EEFSEC: variants seen among roughly 807,000 people sequenced by gnomAD.
EEFSEC encodes the protein eukaryotic elongation factor, selenocysteine-tRNA specific.
A neutral mutation model predicts 42.1 loss-of-function variants in EEFSEC; 43 were observed. The ratio of observed to expected loss-of-function variants is 1.02; its 90% CI spans 0.80 to 1.32. The LOEUF is 1.32. EEFSEC is among the 40% of genes most tolerant of loss of function. EEFSEC has a pLI of 0.00. For synonymous variants in EEFSEC, 354 were observed against 339.1 expected, an observed-to-expected ratio of 1.04 and a Z score of -0.48; for missense variants, 745 against 803.6, an observed-to-expected ratio of 0.93 and a Z score of 0.88.
At chr3:128,320,167 T>G (rs1311458404) in intron 4 of EEFSEC, among the ~76,000 whole-genome samples, 1 of 152,242 alleles carries the variant, frequency 6.6e-6, no homozygotes, top group Non-Finnish European at 1.5e-5. Context: ...CTAAACTGCT[T>G]ACTGTCACCT....
At chr3:128,342,563 C>T (rs2067267760) in intron 5 of EEFSEC, among the ~76,000 whole-genome samples, 1 of 152,256 alleles carries the variant, frequency 6.6e-6, no homozygotes. Context: ...AGTTCACCAT[C>T]GCTAGATGCA....
At chr3:128,387,438 G>A (rs182944427) in intron 6 of EEFSEC, among the ~76,000 whole-genome samples, 9 of 152,316 alleles carry the variant, frequency 5.9e-5, no homozygotes, top group East Asian at 3.9e-4. Context: ...GTCCAGGCTC[G>A]CAAAAGTCGT....
At chr3:128,235,061 ATTTAT>A (rs1406397204) in intron 1 of EEFSEC, among the ~76,000 whole-genome samples, 1 of 151,722 alleles carries the variant, frequency 6.6e-6, no homozygotes, top group Non-Finnish European at 1.5e-5. Flanking sequence ...TTACTTACTT[ATTTAT>A]TTTATTTTAT....
At chr3:128,396,699 C>T (rs115525798) in intron 6 of EEFSEC, among the ~76,000 whole-genome samples, 2,234 of 152,284 alleles carry the variant, frequency 0.015, 51 homozygotes, top group African/African-American at 0.051. Flanking sequence ...TTCCTGAGTG[C>T]TCTGTGCCTC....
In EEFSEC at chr3:128,403,304, C is replaced by T. The variant is rs767114842; in HGVS notation, c.1601-4765C>T. ...ACAGGCCAGGTGTGCAGAAGGGCAG[C>T]GAGGAGGCTGACACAGGGGCGGGGC... On this transcript the variant is annotated intron_variant, in intron 6 of 6. Transcript: ENST00000254730. Among the ~76,000 whole-genome samples, 8 of 152,202 alleles carry T rather than the reference C, an allele frequency of 5.3e-5. No homozygotes were observed. In the East Asian group the frequency reaches 5.8e-4, roughly 11 times the overall value.
intron 1 of EEFSEC, among the ~76,000 whole-genome samples, chr3:128,209,830 T>G (rs1260964452): frequency 1.3e-5 from 2 of 152,348 alleles, no homozygotes; most frequent in East Asian, 3.9e-4. Context: ...ATAAGTAGAT[T>G]ATGTCCCCAG....
At chr3:128,245,210 C>T (rs2066114880) in intron 1 of EEFSEC, among the ~76,000 whole-genome samples, 2 of 152,188 alleles carry the variant, frequency 1.3e-5, no homozygotes, top group Non-Finnish European at 1.5e-5. Flanking sequence ...AGGGACTAGC[C>T]AACATGAGCC....
chr3:128,304,094 G>A (rs1283335926), intron 4 of EEFSEC, among the ~76,000 whole-genome samples: 4 of 132,954 alleles, frequency 3.0e-5, no homozygotes, highest in African/African-American at 1.2e-4. Context: ...TTTTTTTTCT[G>A]GAAAGGCTAG....
chr3:128,202,990 A>T lies in EEFSEC; in HGVS notation c.317-43846A>T, dbSNP rs116743305. 7.4e-3 allele frequency among the ~76,000 whole-genome samples: 1,121 copies of T among 152,348 alleles called. 9 individuals are homozygous for T. Among genetic ancestry groups the T allele is most frequent in the Non-Finnish European group, 0.012 (828 of 68,038 alleles). On this transcript the variant is annotated intron_variant, in intron 1 of 6. Transcript: ENST00000254730. The stretch of plus-strand genomic sequence containing the variant: ...TTTTGAATATTAAACATAAAAAGCT[A>T]TAAATTTCCCTCTAAACATTACCTC...
rs115897073 is a variant in EEFSEC at position 128,153,780 on chromosome 3, C to T, written c.273C>T (p.Val91=). The change falls in exon 1 of 7, where the codon GTC becomes GTT. Residue 91 remains valine, a synonymous_variant. Coordinates refer to ENST00000254730, the MANE Select transcript of EEFSEC (RefSeq NM_021937.5). ...PGEPLLQVTL[V]DCPGHASLIR... is the part of the protein sequence containing the mutation. The stretch of plus-strand genomic sequence containing the variant: ...AGCCACTGCTTCAGGTCACGCTGGT[C>T]GACTGCCCCGGGCACGCCTCCCTCA... 3 of 1,531,158 alleles carry T rather than the reference C, an allele frequency of 2.0e-6. No homozygotes were observed. Among genetic ancestry groups the T allele is most frequent in the Middle Eastern group, 1.7e-4 (1 of 5,752 alleles). The allele number at this position is 1,531,158 out of a possible 1,614,324, so 94.8% of individuals were successfully genotyped here. A position where few individuals can be genotyped will look rare whatever the true frequency, so the allele number is the denominator to read the frequency against.
intron 1 of EEFSEC, among the ~76,000 whole-genome samples, chr3:128,212,893 A>G (rs1050771024): frequency 2.6e-5 from 4 of 152,220 alleles, no homozygotes; most frequent in African/African-American, 9.6e-5. Context: ...GCGCTGCCAC[A>G]TCAGCCAGCT....
chr3:128,361,356 G>T (rs1402605809), intron 6 of EEFSEC, among the ~76,000 whole-genome samples: 2 of 152,122 alleles, frequency 1.3e-5, no homozygotes, highest in Non-Finnish European at 2.9e-5. Context: ...CACTATATGG[G>T]AACGTAGGCC....
intron 4 of EEFSEC, among the ~76,000 whole-genome samples, chr3:128,333,687 G>A (rs1351723303): frequency 2.0e-5 from 3 of 152,176 alleles, no homozygotes; most frequent in Non-Finnish European, 2.9e-5. Flanking sequence ...GTGCACTTCA[G>A]TTGAGTGCCT....
chr3:128,347,586 A>G (rs995319666), intron 5 of EEFSEC, among the ~76,000 whole-genome samples: 2 of 152,210 alleles, frequency 1.3e-5, no homozygotes, highest in Non-Finnish European at 2.9e-5. Context: ...ATAAGGAAAA[A>G]AGAACAATGT....
chr3:128,271,115 C>G (rs2066408339), intron 4 of EEFSEC, among the ~76,000 whole-genome samples: 1 of 152,236 alleles, frequency 6.6e-6, no homozygotes, highest in South Asian at 2.1e-4. Flanking sequence ...TTTGGAGTCA[C>G]TGCCACCCTG....
intron 1 of EEFSEC, among the ~76,000 whole-genome samples, chr3:128,174,090 A>G (rs750477883): frequency 6.6e-6 from 1 of 152,142 alleles, no homozygotes; most frequent in African/African-American, 2.4e-5. Flanking sequence ...AGGAGGAAAC[A>G]TTGCTCTGGC....
intron 6 of EEFSEC, among the ~76,000 whole-genome samples, chr3:128,396,458 C>A (rs2067982459): frequency 6.6e-6 from 1 of 152,166 alleles, no homozygotes; most frequent in Admixed American, 6.5e-5. Flanking sequence ...GCACAGAAAG[C>A]ACTTTTCTGA....
chr3:128,314,102 C>G lies in EEFSEC; in HGVS notation c.787-27131C>G, dbSNP rs2066919261. The stretch of plus-strand genomic sequence containing the variant: ...GAATCTACCGTAAGGACATGCTGCT[C>G]TCTCTCTCCCTCTCATTGAGGCATA... On this transcript the variant is annotated intron_variant, in intron 4 of 6. Transcript: ENST00000254730. Among the ~76,000 whole-genome samples the G allele has an allele frequency of 2.0e-5, 3 of 152,184 alleles. No individual in the cohort carries two copies. In the South Asian group the frequency reaches 6.2e-4, roughly 32 times the overall value.
At chr3:128,383,544 G>A (rs920267810) in intron 6 of EEFSEC, among the ~76,000 whole-genome samples, 4 of 152,326 alleles carry the variant, frequency 2.6e-5, no homozygotes, top group South Asian at 2.1e-4. Context: ...GCTGATCTGC[G>A]CCTGGACTAG....
Sources: gnomAD v4.1 joint callset for allele counts (sites outside exome capture counted in the v4.1 genomes callset) on GRCh38, gnomAD v4.1.1 for gene constraint, MANE v1.5 for transcripts, NCBI Gene and HGNC (gene_info 2026-07-23, HGNC 2026-07-21) for gene names.